Variants in ARHGEF10L observed in about 807,000 individuals in gnomAD.
ARHGEF10L encodes the protein Rho guanine nucleotide exchange factor 10 like, also known as rho guanine nucleotide exchange factor 10-like protein.
A neutral mutation model predicts 141.2 loss-of-function variants in ARHGEF10L; 69 were observed. The observed-to-expected ratio is 0.49, with a 90% CI of 0.40 to 0.60. The LOEUF (loss-of-function observed/expected upper bound fraction) is 0.60. Among genes scored for constraint, ARHGEF10L ranks in the 20% least tolerant of loss-of-function variants. The pLI, the probability that ARHGEF10L is intolerant of heterozygous loss-of-function variation, is 0.00. For synonymous variants in ARHGEF10L, 711 were observed against 718.5 expected, an observed-to-expected ratio of 0.99 and a Z score of 0.17; for missense variants, 1,482 against 1,734.3, an observed-to-expected ratio of 0.85 and a Z score of 2.58.
At chr1:17,517,326 T>TTTA in the ARHGEF10L span, among the ~76,000 whole-genome samples, 1 of 152,144 alleles carries the variant, frequency 6.6e-6, no homozygotes, top group South Asian at 2.1e-4. Flanking sequence ...AGAGGTGTTT[T>TTTA]TTATTATTAT....
chr1:17,556,133 GGGGGGCC>G, intron 1 of ARHGEF10L, among the ~76,000 whole-genome samples: 1 of 90,192 alleles, frequency 1.1e-5, no homozygotes, highest in Admixed American at 1.1e-4. Context: ...TGGAAACACA[GGGGGGCC>G]TGGGAGCATA....
rs1169666084 is a variant in ARHGEF10L, at chr1:17,644,633, C to T, written c.2273-3921C>T. 2.6e-5 allele frequency among the ~76,000 whole-genome samples: 4 copies of T among 152,038 alleles called. No homozygotes were observed. The highest frequency in any genetic ancestry group is 2.1e-4 in the South Asian group (1 of 4,806). ...CTCCATGGTGCTGGGGAGGTGTGAG[C>T]GGTATCTTGAAGGTGGCTTTAAGTT... On this transcript the variant is annotated intron_variant, in intron 21 of 28. Coordinates refer to ENST00000361221, the MANE Select transcript of ARHGEF10L (RefSeq NM_018125.4). The surrounding 1 kb of genome is among the most constrained non-coding windows in gnomAD (Gnocchi z 4.5).
rs774992404 is a variant in ARHGEF10L at position 17,621,830 on chromosome 1, C to G, written c.943-34C>G. 1 of 1,602,540 alleles carries G rather than the reference C, an allele frequency of 6.2e-7. No homozygotes were observed. Among genetic ancestry groups the G allele is most frequent in the South Asian group, 1.1e-5 (1 of 90,848 alleles). ...CACTTGGGCCCTGTGCAGCAGGTGTCATGTGCGCTGACCGTGCTTTTTGGC... is the reference window on the plus strand; with the variant it reads ...CACTTGGGCCCTGTGCAGCAGGTGTGATGTGCGCTGACCGTGCTTTTTGGC... On this transcript the variant is annotated intron_variant, in intron 10 of 28. Transcript: ENST00000361221. The surrounding 1 kb of genome is among the most constrained non-coding windows in gnomAD (Gnocchi z 4.1).
chr1:17,588,485 T>G lies in ARHGEF10L; in HGVS notation c.257+6T>G. The stretch of plus-strand genomic sequence containing the variant: ...GCTGCTCCACCCGGCACAGGGTAAG[T>G]GAACCTTGCTCCTTTGCTTTGGCGG... On this transcript the variant is annotated splice_donor_region_variant and intron_variant, in intron 4 of 28. Transcript: ENST00000361221. 6.2e-7 allele frequency: 1 copy of G among 1,613,868 alleles called. No homozygotes were observed.
At chr1:17,583,096 C>T (rs1364902545) in intron 2 of ARHGEF10L, among the ~76,000 whole-genome samples, 1 of 150,332 alleles carries the variant, frequency 6.7e-6, no homozygotes, top group Non-Finnish European at 1.5e-5. Context: ...GTGATGCTAC[C>T]TGGGAGTCTG....
rs372291813 is a variant in ARHGEF10L, at chr1:17,603,774, G to C, written c.433+183G>C. 3.3e-5 allele frequency among the ~76,000 whole-genome samples: 5 copies of C among 152,354 alleles called. No individual in the cohort carries two copies. Among genetic ancestry groups the C allele is most frequent in the African/African-American group, 7.2e-5 (3 of 41,588 alleles). ...GAGATGGCTGAGGGCGTGGCCACCG[G>C]GGCCGGGCAGGGCTTGGGCATCATG... On this transcript the variant is annotated intron_variant, in intron 6 of 28. Coordinates refer to ENST00000361221, the MANE Select transcript of ARHGEF10L (RefSeq NM_018125.4). The surrounding 1 kb of genome is among the most constrained non-coding windows in gnomAD (Gnocchi z 4.8).
At chr1:17,552,082 C>G (rs1272005911) in intron 1 of ARHGEF10L, among the ~76,000 whole-genome samples, 2 of 152,174 alleles carry the variant, frequency 1.3e-5, no homozygotes, top group Non-Finnish European at 2.9e-5. Flanking sequence ...TGCTTCCTCC[C>G]CAATGAGTGA....
At position 17,541,549 on chromosome 1, in the gene ARHGEF10L, G is replaced by T. The variant is rs140640195; in HGVS notation, c.-44+1599G>T. On this transcript the variant is annotated intron_variant, in intron 1 of 28. Coordinates refer to ENST00000361221, the MANE Select transcript of ARHGEF10L (RefSeq NM_018125.4). ...CAGGTACCAGGTTAGTATAAGAGGA[G>T]GTTGGGTGTGGTGGCTCACCCTTGT... Among the ~76,000 whole-genome samples, 117 of 152,354 alleles carry T rather than the reference G, an allele frequency of 7.7e-4. 1 individual carries two copies. Among genetic ancestry groups the T allele is most frequent in the African/African-American group, 2.4e-3 (100 of 41,580 alleles).
In ARHGEF10L at chr1:17,638,682, C is replaced by T. The variant is rs1427728442; in HGVS notation, c.2164C>T (p.Pro722Ser). ...TCTCAGGCTCCTGCTTCCTGGGAAA[C>T]CCGACAAGTGAGAGGAGGGGGTCTT... is the stretch of plus-strand genomic sequence containing the variant. ...CRLRLLLPGK[P>S]DKSGRPISFM... The change falls in exon 20 of 29, where the codon CCC becomes TCC. Residue 722 changes from proline to serine, a missense_variant. By Grantham distance (74) the Pro-to-Ser change is moderately conservative. Around this residue, in one of 3 missense-constraint regions of ARHGEF10L, gnomAD observed 858 missense variants for 966.3 expected, o/e 0.89. Transcript: ENST00000361221. 2.5e-6 allele frequency: 4 copies of T among 1,614,022 alleles called. No individual in the cohort carries two copies. Among genetic ancestry groups the T allele is most frequent in the Non-Finnish European group, 3.4e-6 (4 of 1,180,022 alleles).
Position 17,654,527 on chromosome 1 carries a change from AC to A in ARHGEF10L, c.2395-108del. ...CATGTTGCTTTCCTGGCCCCCACCC[AC>A]AGGGATTCTAATCCAGGGAGAGTTG... On this transcript the variant is annotated intron_variant, in intron 22 of 28. Coordinates refer to ENST00000361221, the MANE Select transcript of ARHGEF10L (RefSeq NM_018125.4). This position sits in a 1 kb window ranked among gnomAD's most constrained non-coding sequence, Gnocchi z 4.3. 3 of 959,328 alleles carry A rather than the reference AC, an allele frequency of 3.1e-6. No individual in the cohort carries two copies. Among genetic ancestry groups the A allele is most frequent in the Non-Finnish European group, 5.1e-6 (3 of 586,868 alleles). 59.4% of individuals were successfully genotyped at this position (959,328 alleles called of 1,614,324 possible). A position where few individuals can be genotyped will look rare whatever the true frequency, so the allele number is the denominator to read the frequency against.
chr1:17,574,113 G>A (rs1202373379), intron 1 of ARHGEF10L, among the ~76,000 whole-genome samples: 1 of 151,794 alleles, frequency 6.6e-6, no homozygotes, highest in East Asian at 1.9e-4. Context: ...CTGGGAGGAC[G>A]CTCCCTGACC....
At chr1:17,672,723 T>C (rs74061931) in intron 26 of ARHGEF10L, among the ~76,000 whole-genome samples, 8,936 of 152,026 alleles carry the variant, frequency 0.059, 690 homozygotes, top group African/African-American at 0.17. Flanking sequence ...GGAAGATGAG[T>C]GTTTTCCAGC....
At chr1:17,589,555 G>T (rs1045598108) in intron 4 of ARHGEF10L, among the ~76,000 whole-genome samples, 1 of 152,228 alleles carries the variant, frequency 6.6e-6, no homozygotes, top group Non-Finnish European at 1.5e-5. Flanking sequence ...GCAGGCCCAG[G>T]CCCCCAGAGG....
At chr1:17,636,408 A>G (rs563869744) in intron 18 of ARHGEF10L, among the ~76,000 whole-genome samples, 1 of 152,334 alleles carries the variant, frequency 6.6e-6, no homozygotes, top group Non-Finnish European at 1.5e-5. Context: ...CAAATCACAA[A>G]TTGAATAAAA....
Position 17,625,916 on chromosome 1 carries a change from T to C in ARHGEF10L, c.1318-40T>C. 1.3e-6 allele frequency: 2 copies of C among 1,590,970 alleles called. No individual in the cohort carries two copies. Among genetic ancestry groups the C allele is most frequent in the South Asian group, 1.1e-5 (1 of 90,272 alleles). ...GGACTCTGGGGCACTGGGCCCTCTC[T>C]GCAGGGGGTCAGCGAATGACGGAAC... On this transcript the variant is annotated intron_variant, in intron 13 of 28. Coordinates refer to ENST00000361221, the MANE Select transcript of ARHGEF10L (RefSeq NM_018125.4). The surrounding 1 kb of genome is among the most constrained non-coding windows in gnomAD (Gnocchi z 4.5).
intron 27 of ARHGEF10L, among the ~76,000 whole-genome samples, chr1:17,688,815 G>A (rs560426363): frequency 3.9e-5 from 6 of 152,076 alleles, no homozygotes; most frequent in South Asian, 2.1e-4. Flanking sequence ...CCAGGGGCCC[G>A]GTCCCTAACT....
rs2063481744 is a variant in ARHGEF10L, at chr1:17,673,897, C to T, written c.3009+9302C>T. On this transcript the variant is annotated intron_variant, in intron 26 of 28. Coordinates refer to ENST00000361221, the MANE Select transcript of ARHGEF10L (RefSeq NM_018125.4). This position sits in a 1 kb window ranked among gnomAD's most constrained non-coding sequence, Gnocchi z 4.1. ...GTCAGTTGTTGTGTCATTGTGGTCACAGGACTTGCTCAGGGTGACTGGGAC... is the reference window on the plus strand; with the variant it reads ...GTCAGTTGTTGTGTCATTGTGGTCATAGGACTTGCTCAGGGTGACTGGGAC... 6.6e-6 allele frequency among the ~76,000 whole-genome samples: 1 copy of T among 152,170 alleles called. No individual in the cohort carries two copies. The highest frequency in any genetic ancestry group is 2.4e-5 in the African/African-American group (1 of 41,422).
chr1:17,692,350 T>C (rs546088524), intron 27 of ARHGEF10L, among the ~76,000 whole-genome samples: 21 of 152,256 alleles, frequency 1.4e-4, no homozygotes, highest in African/African-American at 5.1e-4. Flanking sequence ...CACCGCCTGC[T>C]TGATAGCTCC....
intron 22 of ARHGEF10L, among the ~76,000 whole-genome samples, chr1:17,651,149 A>C (rs2061906444): frequency 1.3e-5 from 2 of 152,096 alleles, no homozygotes; most frequent in Non-Finnish European, 2.9e-5. Context: ...CTCTCTCTAT[A>C]TATATACATT....
Sources: gnomAD v4.1 joint callset for allele counts (sites outside exome capture counted in the v4.1 genomes callset) on GRCh38, gnomAD v4.1.1 for gene constraint, gnomAD v4.1.1 regional missense constraint, Gnocchi (gnomAD v3.1) non-coding constraint, MANE v1.5 for transcripts, NCBI Gene and HGNC (gene_info 2026-07-23, HGNC 2026-07-21) for gene names.